Variants in RBPJ observed in about 807,000 individuals in gnomAD.
RBPJ encodes the protein recombining binding protein suppressor of hairless.
Under a neutral mutation model 67.8 loss-of-function variants are expected in RBPJ, and 9 were observed. That is an observed-to-expected ratio of 0.13 (90% CI 0.08 to 0.23). The LOEUF (loss-of-function observed/expected upper bound fraction) is 0.23. RBPJ is among the 10% of genes least tolerant of loss of function. RBPJ has a pLI of 1.00. For missense variants in RBPJ, 305 were observed against 595.6 expected (o/e 0.51, Z 5.08); for synonymous variants, 198 against 203.3 (o/e 0.97, Z 0.22).
At position 26,430,296 on chromosome 4, in the gene RBPJ, TAAA is replaced by T. The variant is rs1166859417; in HGVS notation, c.1045-119_1045-117del. ...GAAATGTTTTTAGCTAGCTTTGTAA[TAAA>T]AAACATTTTAATTGCCCTTTTTTAA... On this transcript the variant is annotated intron_variant, in intron 9 of 10. Transcript: ENST00000355476. This position sits in a 1 kb window ranked among gnomAD's most constrained non-coding sequence, Gnocchi z 4.1. 1 of 918,606 alleles carries T rather than the reference TAAA, an allele frequency of 1.1e-6. No individual in the cohort carries two copies. Among genetic ancestry groups the T allele is most frequent in the African/African-American group, 1.7e-5 (1 of 59,234 alleles). 56.9% of individuals were successfully genotyped at this position (918,606 alleles called of 1,614,324 possible). A position where few individuals can be genotyped will look rare whatever the true frequency, so the allele number is the denominator to read the frequency against.
At chr4:26,110,003 T>C in the RBPJ span, among the ~76,000 whole-genome samples, 1 of 151,982 alleles carries the variant, frequency 6.6e-6, no homozygotes, top group Non-Finnish European at 1.5e-5. The surrounding 1 kb of genome is among the most constrained non-coding windows in gnomAD (Gnocchi z 4.5). Context: ...AATAAAATGG[T>C]CTTCACATCA....
the RBPJ span, among the ~76,000 whole-genome samples, chr4:26,109,627 T>A: frequency 3.4e-5 from 1 of 29,770 alleles, no homozygotes; most frequent in Non-Finnish European, 6.2e-5. Context: ...CACCTTCCTC[T>A]CTCTCTCTCT....
At chr4:26,427,339 G>C (rs1053387877) in intron 7 of RBPJ, among the ~76,000 whole-genome samples, 5 of 152,180 alleles carry the variant, frequency 3.3e-5, no homozygotes, top group African/African-American at 1.2e-4. Context: ...ATCTGTTTTC[G>C]ATATGCTAAG....
chr4:26,161,690 G>A (rs1577420760), upstream of RBPJ, among the ~76,000 whole-genome samples: 1 of 152,278 alleles, frequency 6.6e-6, no homozygotes, highest in East Asian at 1.9e-4. Context: ...AGATACAAAG[G>A]CAACAGCACT....
chr4:26,338,193 A>G (rs1327701779), intron 1 of RBPJ, among the ~76,000 whole-genome samples: 3 of 110,110 alleles, frequency 2.7e-5, no homozygotes, highest in African/African-American at 3.7e-5. Flanking sequence ...GTGTTGCTCT[A>G]TTGGTAGGCT....
At chr4:26,226,128 G>A (rs1362386966) in intron 1 of RBPJ, among the ~76,000 whole-genome samples, 14 of 145,942 alleles carry the variant, frequency 9.6e-5, no homozygotes, top group African/African-American at 3.1e-4. Flanking sequence ...CAGCCTGGGT[G>A]ACAGAGCGAG....
In RBPJ at chr4:26,264,202, A is replaced by C. The variant is rs1354810388; in HGVS notation, c.-166-98244A>C. On this transcript the variant is annotated intron_variant, in intron 1 of 4. Transcript: ENST00000512351. This position sits in a 1 kb window ranked among gnomAD's most constrained non-coding sequence, Gnocchi z 4.1. ...CTGGCAGACAGATTCATTTGTGTTC[A>C]CAACCTGGTCCCAATTAGCTTCAAC... 6.6e-6 allele frequency among the ~76,000 whole-genome samples: 1 copy of C among 152,178 alleles called. No homozygotes were observed. The highest frequency in any genetic ancestry group is 2.4e-5 in the African/African-American group (1 of 41,442).
intron 1 of RBPJ, among the ~76,000 whole-genome samples, chr4:26,241,727 G>A (rs897437733): frequency 6.6e-6 from 1 of 151,928 alleles, no homozygotes; most frequent in Non-Finnish European, 1.5e-5. Flanking sequence ...GGCCAGGCTG[G>A]TCTCAAACTC....
At chr4:26,178,193 T>G (rs1338321429) in intron 1 of RBPJ, among the ~76,000 whole-genome samples, 1 of 152,140 alleles carries the variant, frequency 6.6e-6, no homozygotes, top group East Asian at 1.9e-4. Context: ...CAAAGATATA[T>G]CTTAGGTTTT....
At chr4:26,320,090 TG>T (rs1722860563), upstream of RBPJ, among the ~76,000 whole-genome samples, 10 of 152,272 alleles carry the variant, frequency 6.6e-5, 1 homozygote, top group South Asian at 2.1e-3. Flanking sequence ...TCACACACGG[TG>T]GTGGCTGCGA....
rs75617116 is a variant in RBPJ at position 26,314,026 on chromosome 4, C to G, written c.-166-48420C>G. 4.0e-3 allele frequency among the ~76,000 whole-genome samples: 611 copies of G among 152,214 alleles called. 4 individuals carry two copies. Among genetic ancestry groups the G allele is most frequent in the African/African-American group, 0.014 (589 of 41,534 alleles). ...CCAAGATAGACTGTGAGGAAAGCCACTCTCTCACCTATATCATCCAGCTGT... is the reference window on the plus strand; with the variant it reads ...CCAAGATAGACTGTGAGGAAAGCCAGTCTCTCACCTATATCATCCAGCTGT... On this transcript the variant is annotated intron_variant, in intron 1 of 4. Transcript: ENST00000512351.
chr4:26,337,446 T>G (rs1018802341), intron 1 of RBPJ, among the ~76,000 whole-genome samples: 7 of 152,116 alleles, frequency 4.6e-5, no homozygotes, highest in African/African-American at 1.4e-4. Context: ...CTTGGGTGGT[T>G]AAACAGTATC....
chr4:26,118,048 A>G, the RBPJ span, among the ~76,000 whole-genome samples: 1 of 152,114 alleles, frequency 6.6e-6, no homozygotes, highest in Non-Finnish European at 1.5e-5. Context: ...ACAAATATGT[A>G]TATTTGTTTA....
At chr4:26,331,602 G>T (rs576135513) in intron 1 of RBPJ, among the ~76,000 whole-genome samples, 1 of 152,240 alleles carries the variant, frequency 6.6e-6, no homozygotes, top group South Asian at 2.1e-4. Flanking sequence ...TTCCTCGTTT[G>T]CTGTGTTCCT....
At chr4:26,193,985 G>C (rs559448080) in intron 1 of RBPJ, among the ~76,000 whole-genome samples, 22 of 152,016 alleles carry the variant, frequency 1.4e-4, no homozygotes, top group Non-Finnish European at 2.6e-4. Flanking sequence ...CTTCCTTTAC[G>C]TAGGGCAACA....
chr4:26,288,030 A>G (rs80035036), intron 1 of RBPJ, among the ~76,000 whole-genome samples: 7,357 of 152,294 alleles, frequency 0.048, 605 homozygotes, highest in African/African-American at 0.17. Flanking sequence ...ATATCCTTCA[A>G]TGATAACATC....
At chr4:26,325,320 A>G (rs759678528) in intron 1 of RBPJ, among the ~76,000 whole-genome samples, 13 of 152,194 alleles carry the variant, frequency 8.5e-5, no homozygotes, top group Non-Finnish European at 1.8e-4. Flanking sequence ...CAGCTTCTAC[A>G]TGTAGCAGAG....
At chr4:26,241,991 T>G (rs1001241345) in intron 1 of RBPJ, among the ~76,000 whole-genome samples, 1 of 152,224 alleles carries the variant, frequency 6.6e-6, no homozygotes, top group Non-Finnish European at 1.5e-5. Context: ...CAAAGTTGGA[T>G]CCTCTGTGGG....
At chr4:26,305,771 CTTTTTTTT>C (rs71276617) in intron 1 of RBPJ, among the ~76,000 whole-genome samples, 5 of 67,758 alleles carry the variant, frequency 7.4e-5, no homozygotes, top group East Asian at 6.1e-4. Context: ...ATTTTCTTTT[CTTTTTTTT>C]TTTTTTTTTT....
Sources: gnomAD v4.1 joint callset for allele counts (sites outside exome capture counted in the v4.1 genomes callset) on GRCh38, gnomAD v4.1.1 for gene constraint, Gnocchi (gnomAD v3.1) non-coding constraint, MANE v1.5 for transcripts, NCBI Gene and HGNC (gene_info 2026-07-23, HGNC 2026-07-21) for gene names.